The following GSK3B variants were observed in gnomAD, a reference collection of about 807,000 sequenced individuals.
GSK3B encodes the protein glycogen synthase kinase-3 beta.
GSK3B carries 15 observed loss-of-function variants against 56.4 expected under a neutral mutation model. The ratio of observed to expected loss-of-function variants is 0.27; its 90% CI spans 0.18 to 0.41. The LOEUF (loss-of-function observed/expected upper bound fraction) is 0.41. Among genes scored for constraint, GSK3B ranks in the 10% least tolerant of loss-of-function variants. The probability of loss-of-function intolerance (pLI) is 1.00; values close to 1 mark genes in which losing one functional copy is unlikely to be tolerated. For synonymous variants in GSK3B, 181 were observed against 188.9 expected (o/e 0.96, Z 0.34); for missense variants, 300 against 513.4 (o/e 0.58, Z 4.02).
At chr3:119,970,802 CAAACAAAAA>C (rs1391429482) in intron 2 of GSK3B, among the ~76,000 whole-genome samples, 1 of 138,844 alleles carries the variant, frequency 7.2e-6, no homozygotes, top group Non-Finnish European at 1.5e-5. Context: ...AACAAACAAA[CAAACAAAAA>C]AAACAAAAAA....
chr3:119,933,238 A>C (rs1180641845), intron 3 of GSK3B, among the ~76,000 whole-genome samples: 1 of 152,240 alleles, frequency 6.6e-6, no homozygotes, highest in Non-Finnish European at 1.5e-5. Flanking sequence ...CTATCAAACT[A>C]GAAAAGAAAA....
chr3:119,917,659 CT>C (rs552373286), intron 4 of GSK3B, among the ~76,000 whole-genome samples: 262 of 123,556 alleles, frequency 2.1e-3, no homozygotes, highest in East Asian at 5.4e-3. Flanking sequence ...AACGAGTTTT[CT>C]TTTTTTTTTT....
At chr3:120,084,221 T>A (rs2058444978) in intron 1 of GSK3B, among the ~76,000 whole-genome samples, 2 of 152,162 alleles carry the variant, frequency 1.3e-5, no homozygotes, top group South Asian at 4.1e-4. Flanking sequence ...ATAATTTGAA[T>A]AATAATTTAA....
chr3:119,863,988 T>C (rs898168574), intron 8 of GSK3B, among the ~76,000 whole-genome samples: 2 of 152,366 alleles, frequency 1.3e-5, no homozygotes, highest in East Asian at 3.9e-4. Flanking sequence ...ATTGTTTTTT[T>C]AGCCGAACAA....
intron 5 of GSK3B, among the ~76,000 whole-genome samples, chr3:119,915,021 C>A (rs925540556): frequency 6.6e-6 from 1 of 151,896 alleles, no homozygotes; most frequent in Admixed American, 6.6e-5. Context: ...GGTGATTACA[C>A]CAGTGAGGAA....
intron 1 of GSK3B, among the ~76,000 whole-genome samples, chr3:120,047,844 A>T (rs1450867271): frequency 2.0e-5 from 3 of 152,186 alleles, no homozygotes; most frequent in Non-Finnish European, 1.5e-5. Flanking sequence ...ATAATGATGA[A>T]GATGTTCTGT....
intron 1 of GSK3B, among the ~76,000 whole-genome samples, chr3:120,005,820 A>C (rs539064154): frequency 6.6e-5 from 10 of 152,216 alleles, no homozygotes; most frequent in Non-Finnish European, 1.2e-4. Context: ...CATTGCAAAA[A>C]CATGCCAAAT....
intron 2 of GSK3B, among the ~76,000 whole-genome samples, chr3:119,985,275 A>T (rs1258114321): frequency 6.6e-6 from 1 of 152,228 alleles, no homozygotes; most frequent in East Asian, 1.9e-4. Flanking sequence ...GAAAACCAAC[A>T]CAAGACAAGG....
At chr3:119,905,533 C>T (rs1000348457) in intron 7 of GSK3B, among the ~76,000 whole-genome samples, 1 of 152,002 alleles carries the variant, frequency 6.6e-6, no homozygotes, top group Non-Finnish European at 1.5e-5. Context: ...ATCAGATATA[C>T]ATAATAGCTT....
chr3:120,071,003 T>C (rs1164581858), intron 1 of GSK3B, among the ~76,000 whole-genome samples: 1 of 152,202 alleles, frequency 6.6e-6, no homozygotes, highest in Non-Finnish European at 1.5e-5. Context: ...AAATGTTTGT[T>C]TCCTCCCCTT....
intron 1 of GSK3B, among the ~76,000 whole-genome samples, chr3:120,004,331 G>A (rs867315184): frequency 6.6e-6 from 1 of 152,180 alleles, no homozygotes; most frequent in Non-Finnish European, 1.5e-5. Flanking sequence ...CCACCTCTGG[G>A]GGCAGGGCAT....
Position 120,093,595 on chromosome 3 carries a change from T to C in GSK3B, c.-161A>G, listed in dbSNP as rs2058533432. On this transcript the variant is annotated 5_prime_UTR_variant, in exon 1 of 11. The change creates a new upstream start codon in the 5' untranslated region. Transcript: ENST00000264235. The stretch of plus-strand genomic sequence containing the variant: ...TTGGCTTTTCACTCCTTTTGTATAC[T>C]ATAAAAAACAAAACAAGCGATATAT... 2 of 546,778 alleles carry C rather than the reference T, an allele frequency of 3.7e-6. No individual in the cohort carries two copies. Among genetic ancestry groups the C allele is most frequent in the East Asian group, 2.8e-5 (1 of 35,850 alleles). 33.9% of individuals were successfully genotyped at this position (546,778 alleles called of 1,614,324 possible).
intron 2 of GSK3B, among the ~76,000 whole-genome samples, chr3:119,968,302 C>G (rs1043302703): frequency 1.3e-5 from 2 of 152,182 alleles, no homozygotes; most frequent in African/African-American, 4.8e-5. Context: ...TGGACCACTT[C>G]TTTACATCAC....
At chr3:119,841,291 C>T (rs1244176880) in intron 10 of GSK3B, among the ~76,000 whole-genome samples, 2 of 152,178 alleles carry the variant, frequency 1.3e-5, no homozygotes, top group Non-Finnish European at 2.9e-5. Context: ...ACTAAGCAGA[C>T]AATTTGCTCA....
chr3:119,859,763 C>A (rs2056074313), intron 9 of GSK3B, among the ~76,000 whole-genome samples: 1 of 151,962 alleles, frequency 6.6e-6, no homozygotes, highest in Non-Finnish European at 1.5e-5. Context: ...GATACTCTTA[C>A]CCCCCGCCCC....
At chr3:119,952,397 A>T (rs1185456644) in intron 2 of GSK3B, among the ~76,000 whole-genome samples, 2 of 151,206 alleles carry the variant, frequency 1.3e-5, no homozygotes, top group African/African-American at 4.9e-5. Flanking sequence ...CGGAGGCAGG[A>T]GAATTGCTTG....
At position 120,074,308 on chromosome 3, in the gene GSK3B, AAAAG is replaced by A. The variant is rs1394051808; in HGVS notation, c.88+19035_88+19038del. On this transcript the variant is annotated intron_variant, in intron 1 of 10. Transcript: ENST00000264235. ...GAGTGAGGCCCTGTCTCTAAAAAAA[AAAAG>A]AAAGAAAGAAAGAAAAGAAATAAGA... Among the ~76,000 whole-genome samples the A allele has an allele frequency of 7.9e-5, 12 of 151,954 alleles. No homozygotes were observed. The East Asian group carries it at 9.6e-4, about 12-fold the overall frequency.
rs556855605 is a variant in GSK3B at position 120,094,384 on chromosome 3, GGGCGGC to G, written c.-956_-951del. 170 of 310,956 alleles carry G rather than the reference GGGCGGC, an allele frequency of 5.5e-4. No homozygotes were observed. Among genetic ancestry groups the G allele is most frequent in the Middle Eastern group, 1.9e-3 (2 of 1,080 alleles). 19.3% of individuals were successfully genotyped at this position (310,956 alleles called of 1,614,324 possible). A position where few individuals can be genotyped will look rare whatever the true frequency, so the allele number is the denominator to read the frequency against. ...CCTTCCTTCCTTTGTCACTTGGCCC[GGGCGGC>G]GGCGGCGGCGGCGGCGGCACAAGCC... On this transcript the variant is annotated 5_prime_UTR_variant, in exon 1 of 11. Transcript: ENST00000264235.
intron 3 of GSK3B, among the ~76,000 whole-genome samples, chr3:119,933,358 T>C (rs1366366343): frequency 1.3e-5 from 2 of 152,190 alleles, no homozygotes; most frequent in Non-Finnish European, 2.9e-5. Flanking sequence ...AATGGGTTAT[T>C]AATTCAGAAG....
Sources: allele counts gnomAD v4.1 joint callset (sites outside exome capture counted in the v4.1 genomes callset), GRCh38; gene constraint gnomAD v4.1.1; transcripts MANE v1.5; gene names NCBI Gene and HGNC (gene_info 2026-07-23, HGNC 2026-07-21).